The following ZNF526 variants were observed in gnomAD, a reference collection of about 807,000 sequenced individuals.
ZNF526 encodes the protein zinc finger protein 526.
ZNF526 carries 16 observed loss-of-function variants against 32.4 expected under a neutral mutation model. That is an observed-to-expected ratio of 0.49 (90% CI 0.33 to 0.75). The LOEUF (loss-of-function observed/expected upper bound fraction) is 0.75, where lower values mean the gene tolerates loss of function less well. Among genes scored for constraint, ZNF526 ranks in the 30% least tolerant of loss-of-function variants. The pLI is 0.02. For synonymous variants in ZNF526, 355 were observed against 363.4 expected, an observed-to-expected ratio of 0.98 and a Z score of 0.26; for missense variants, 838 against 920.7, an observed-to-expected ratio of 0.91 and a Z score of 1.16.
Position 42,225,804 on chromosome 19 carries a change from C to T in ZNF526, c.1401C>T (p.Pro467=), listed in dbSNP as rs758984151. The T allele has an allele frequency of 5.6e-6, 9 of 1,613,886 alleles. No homozygotes were observed. The South Asian group carries it at 8.8e-5, about 16-fold the overall frequency. ...GGCACCGGCGTGCAGTACACGGGCC[C>T]CCTGAACGGCGTCACCGCTGTGGGG... is the stretch of plus-strand genomic sequence containing the variant. ...LSRHRRAVHG[P]PERRHRCGVC... is the part of the protein sequence containing the mutation. Residue 467 remains proline, a synonymous_variant, in exon 3 of 3, where the codon CCC becomes CCT. Coordinates refer to ENST00000301215, the MANE Select transcript of ZNF526 (RefSeq NM_133444.3).
chr19:42,224,163 G>GAAAA, intron 1 of ZNF526, 52 bp from the exon 2 acceptor site: 38 of 348,360 alleles, frequency 1.1e-4, no homozygotes, highest in South Asian at 1.7e-4. Flanking sequence ...TGTCTCAGAA[G>GAAAA]AAAAAAAAAA....
rs754650186 is a variant in ZNF526 at position 42,225,148 on chromosome 19, G to C, written c.745G>C (p.Glu249Gln). 4 of 1,613,606 alleles carry C rather than the reference G, an allele frequency of 2.5e-6. No individual in the cohort carries two copies. The highest frequency in any genetic ancestry group is 1.7e-5 in the Admixed American group (1 of 60,002). Reference protein sequence around the residue: ...EEDEEDDEEMEDEEAMAEVGD... With the variant: ...EEDEEDDEEMQDEEAMAEVGD... ...GGATGAAGAAGATGATGAAGAGATG[G>C]AGGATGAGGAGGCCATGGCAGAGGT... The change falls in exon 3 of 3, where the codon GAG becomes CAG. Residue 249 changes from glutamate to glutamine, a missense_variant. Transcript: ENST00000301215.
At position 42,225,057 on chromosome 19, in the gene ZNF526, C is replaced by A; in HGVS notation, c.654C>A (p.Thr218=). 1.2e-6 allele frequency: 2 copies of A among 1,614,138 alleles called. No homozygotes were observed. ...TPEEFLEHQG[T]HFDSLEKEER... ...AGGAGTTCTTGGAGCATCAGGGCAC[C>A]CACTTTGACTCCCTAGAGAAAGAGG... Residue 218 remains threonine, a synonymous_variant, in exon 3 of 3, where the codon ACC becomes ACA. Transcript: ENST00000301215.
rs112085691 is a variant in ZNF526 at position 42,224,255 on chromosome 19, A to G, written c.-68A>G. On this transcript the variant is annotated 5_prime_UTR_variant, in exon 2 of 3. Coordinates refer to ENST00000301215, the MANE Select transcript of ZNF526 (RefSeq NM_133444.3). Reference sequence around the variant, plus strand: ...GTGTAGGCTTCAGAGACATGGGATCACGGAAGACTGAAGCAGAAACAGTGG... The same window carrying G: ...GTGTAGGCTTCAGAGACATGGGATCGCGGAAGACTGAAGCAGAAACAGTGG... 1.4e-6 allele frequency: 1 copy of G among 724,868 alleles called. No individual in the cohort carries two copies. Among genetic ancestry groups the G allele is most frequent in the Non-Finnish European group, 2.4e-6 (1 of 411,952 alleles). The allele number at this position is 724,868 out of a possible 1,614,324, so 44.9% of individuals were successfully genotyped here.
chr19:42,220,331 C>T lies in ZNF526; in HGVS notation c.-165C>T, dbSNP rs45572931. 6,608 of 152,562 alleles carry T rather than the reference C, an allele frequency of 0.043. 191 individuals are homozygous for T. Among genetic ancestry groups the T allele is most frequent in the Non-Finnish European group, 0.066 (4,497 of 68,212 alleles). The allele number at this position is 152,562 out of a possible 1,614,324, so 9.5% of individuals were successfully genotyped here. A position where few individuals can be genotyped will look rare whatever the true frequency, so the allele number is the denominator to read the frequency against. On this transcript the variant is annotated 5_prime_UTR_variant, in exon 1 of 3. Coordinates refer to ENST00000301215, the MANE Select transcript of ZNF526 (RefSeq NM_133444.3). ...GTGGATAGTGAGGGGTCCCACACGCCTGGAGCCGAGGGTCTGTGTCAAGAG... is the reference window on the plus strand; with the variant it reads ...GTGGATAGTGAGGGGTCCCACACGCTTGGAGCCGAGGGTCTGTGTCAAGAG...
At position 42,226,955 on chromosome 19, in the gene ZNF526, T is replaced by C. The variant is rs1174946946; in HGVS notation, c.*539T>C. ...AGGTCCTCAGCTCCAGACTGGGTGA[T>C]GCTGGAGACCCAGGAGCAAGTCAGC... On this transcript the variant is annotated 3_prime_UTR_variant, in exon 3 of 3. Transcript: ENST00000301215. 4.5e-6 allele frequency: 1 copy of C among 221,528 alleles called. No homozygotes were observed. The highest frequency in any genetic ancestry group is 2.3e-5 in the African/African-American group (1 of 43,464). 13.7% of individuals were successfully genotyped at this position (221,528 alleles called of 1,614,324 possible). A position where few individuals can be genotyped will look rare whatever the true frequency, so the allele number is the denominator to read the frequency against.
intron 1 of ZNF526, 93 bp from the exon 2 acceptor site, chr19:42,224,122 G>A (rs909333371): frequency 8.7e-5 from 36 of 416,086 alleles, no homozygotes; most frequent in African/African-American, 6.3e-4. Context: ...TTGTGCCACT[G>A]CACTCCAGCT....
chr19:42,226,051 C>T lies in ZNF526; in HGVS notation c.1648C>T (p.His550Tyr). ...SSNLQQHRRL[H>Y]LRPVAFARAP... is the part of the protein sequence containing the mutation. The stretch of plus-strand genomic sequence containing the variant: ...CAACCTGCAGCAGCACCGGCGGTTG[C>T]ACTTGCGGCCAGTCGCCTTTGCCCG... The change falls in exon 3 of 3, where the codon CAC becomes TAC. Residue 550 changes from histidine to tyrosine, a missense_variant. Transcript: ENST00000301215. 7 of 1,610,764 alleles carry T rather than the reference C, an allele frequency of 4.3e-6. No individual in the cohort carries two copies. Among genetic ancestry groups the T allele is most frequent in the Non-Finnish European group, 5.1e-6 (6 of 1,180,014 alleles).
rs980667599 is a variant in ZNF526 at position 42,227,148 on chromosome 19, C to G, written c.*732C>G. ...GGGCAGAGATGAGTCAGGCCTAAGG[C>G]TTCTCTGGGCTGTGATGGGGATGTG... On this transcript the variant is annotated 3_prime_UTR_variant, in exon 3 of 3. Transcript: ENST00000301215. 1.2e-5 allele frequency: 2 copies of G among 171,044 alleles called. No individual in the cohort carries two copies. Among genetic ancestry groups the G allele is most frequent in the Non-Finnish European group, 2.8e-5 (2 of 70,530 alleles). The allele number at this position is 171,044 out of a possible 1,614,324, so 10.6% of individuals were successfully genotyped here. A position where few individuals can be genotyped will look rare whatever the true frequency, so the allele number is the denominator to read the frequency against.
chr19:42,221,494 G>A (rs899764199), intron 1 of ZNF526, among the ~76,000 whole-genome samples: 2 of 152,012 alleles, frequency 1.3e-5, no homozygotes, highest in African/African-American at 4.8e-5. Context: ...TTATCCAGGC[G>A]TGGTGGTGAA....
chr19:42,225,092 G>T lies in ZNF526; in HGVS notation c.689G>T (p.Gly230Val), dbSNP rs761323858. ...TCCCTAGAGAAAGAGGAGCGCAATG[G>T]GTTGGAGGAGGAGGAAGAGGACGAT... ...FDSLEKEERNGLEEEEEDDEE... is the reference protein window; with the variant it reads ...FDSLEKEERNVLEEEEEDDEE... Residue 230 changes from glycine (G) to valine (V), a missense_variant, in exon 3 of 3, where the codon GGG becomes GTG. Physicochemically the swap from Gly to Val is moderately radical, Grantham distance 109. Transcript: ENST00000301215. 6.2e-7 allele frequency: 1 copy of T among 1,614,214 alleles called. No homozygotes were observed. Among genetic ancestry groups the T allele is most frequent in the Admixed American group, 1.7e-5 (1 of 60,028 alleles).
Position 42,224,677 on chromosome 19 carries a change from C to G in ZNF526, c.274C>G (p.Gln92Glu), listed in dbSNP as rs201702024. 7 of 1,614,196 alleles carry G rather than the reference C, an allele frequency of 4.3e-6. No individual in the cohort carries two copies. The African/African-American group carries it at 9.3e-5, about 22-fold the overall frequency. ...AVSEEEALTT[Q>E]NVGLEPELVP... ...CTCAGAGGAGGAGGCACTGACCACACAGAATGTTGGCCTGGAGCCGGAGCT... is the reference window on the plus strand; with the variant it reads ...CTCAGAGGAGGAGGCACTGACCACAGAGAATGTTGGCCTGGAGCCGGAGCT... Residue 92 changes from glutamine to glutamate, a missense_variant, in exon 3 of 3, where the codon CAG becomes GAG. By Grantham distance (29) the Gln-to-Glu change is conservative. Transcript: ENST00000301215.
At chr19:42,221,896 T>C (rs1367718852) in intron 1 of ZNF526, among the ~76,000 whole-genome samples, 1 of 151,484 alleles carries the variant, frequency 6.6e-6, no homozygotes, top group East Asian at 1.9e-4. Context: ...CCTCCTGGGC[T>C]CAAGTGATCA....
At chr19:42,220,981 G>T (rs1356631807) in intron 1 of ZNF526, among the ~76,000 whole-genome samples, 1 of 152,200 alleles carries the variant, frequency 6.6e-6, no homozygotes, top group Non-Finnish European at 1.5e-5. Context: ...TTGTGGAATG[G>T]CTGTTGTGTG....
chr19:42,225,132 AGAT>A lies in ZNF526; in HGVS notation c.735_737del (p.Asp245del), dbSNP rs771002042. ...AAGAGGACGATGAGGAGGATGAAGA[AGAT>A]GATGAAGAGATGGAGGATGAGGAGG... On this transcript the variant is annotated inframe_deletion, in exon 3 of 3. Transcript: ENST00000301215. The A allele has an allele frequency of 9.3e-6, 15 of 1,613,862 alleles. No individual in the cohort carries two copies. In the Admixed American group the frequency reaches 1.0e-4, roughly 11 times the overall value.
chr19:42,225,785 G>A lies in ZNF526; in HGVS notation c.1382G>A (p.Arg461Gln), dbSNP rs767338769. The A allele has an allele frequency of 5.5e-6, 8 of 1,445,818 alleles. No individual in the cohort carries two copies. The highest frequency in any genetic ancestry group is 1.8e-5 in the Admixed American group (1 of 54,144). The allele number at this position is 1,445,818 out of a possible 1,614,324, so 89.6% of individuals were successfully genotyped here. ...TCAGCTTCCCGGCTGTCCCGGCACC[G>A]GCGTGCAGTACACGGGCCCCCTGAA... ...FASASRLSRH[R>Q]RAVHGPPERR... Residue 461 changes from arginine to glutamine, a missense_variant, in exon 3 of 3, where the codon CGG becomes CAG. Arg to Gln is a conservative substitution (Grantham distance 43). Transcript: ENST00000301215.
chr19:42,220,943 C>G (rs2146925757), intron 1 of ZNF526, among the ~76,000 whole-genome samples: 1 of 152,232 alleles, frequency 6.6e-6, no homozygotes, highest in South Asian at 2.1e-4. Context: ...CTCTCGGGCC[C>G]CTGGTTGCCT....
rs2036180253 is a variant in ZNF526, at chr19:42,226,274, T to G, written c.1871T>G (p.Met624Arg). ...PPPPEPQQTIMCTELGETIAI... is the reference protein window; with the variant it reads ...PPPPEPQQTIRCTELGETIAI... ...CCTCCAGAGCCTCAACAGACTATCA[T>G]GTGCACAGAGCTGGGGGAGACCATC... The change falls in exon 3 of 3, where the codon ATG becomes AGG. Residue 624 changes from methionine (M) to arginine (R), a missense_variant. Met to Arg is a moderately conservative substitution (Grantham distance 91). Transcript: ENST00000301215. 1.9e-6 allele frequency: 3 copies of G among 1,614,022 alleles called. 1 individual carries two copies. The South Asian group carries it at 3.3e-5, about 18-fold the overall frequency.
At position 42,225,687 on chromosome 19, in the gene ZNF526, G is replaced by GCCCCCCCCCCC; in HGVS notation, c.1287_1288insCCCCCCCCCCC (p.Thr430ProfsTer59). On this transcript the variant is annotated frameshift_variant, in exon 3 of 3. Coordinates refer to ENST00000301215, the MANE Select transcript of ZNF526 (RefSeq NM_133444.3). LOFTEE classifies it high-confidence loss of function. ...CAACAGCTCCCCCAGCTCCAGCGGA[G>GCCCCCCCCCCC]CCCACCCCTCCACCACCACCCCCTG... 1.2e-6 allele frequency: 2 copies of GCCCCCCCCCCC among 1,610,650 alleles called. No individual in the cohort carries two copies. The highest frequency in any genetic ancestry group is 3.3e-5 in the Admixed American group (2 of 59,752).
Sources: gnomAD v4.1 joint callset for allele counts (sites outside exome capture counted in the v4.1 genomes callset) on GRCh38, gnomAD v4.1.1 for gene constraint, MANE v1.5 for transcripts, NCBI Gene and HGNC (gene_info 2026-07-23, HGNC 2026-07-21) for gene names.